The following NAV2 variants were observed in gnomAD, a reference collection of about 807,000 sequenced individuals.
NAV2 encodes the protein neuron navigator 2, also known as helicase, APC down-regulated 1.
In NAV2, 54 loss-of-function variants were observed where a neutral mutation model predicts 223.2. The ratio of observed to expected loss-of-function variants is 0.24; its 90% CI spans 0.19 to 0.30. The LOEUF (loss-of-function observed/expected upper bound fraction) is 0.30, where lower values mean the gene tolerates loss of function less well. Ranked by LOEUF, NAV2 falls within the 10% of genes least tolerant of loss-of-function variation. NAV2 has a pLI of 1.00. For missense variants in NAV2, 2,806 were observed against 3,147.5 expected, an observed-to-expected ratio of 0.89 and a Z score of 2.60; for synonymous variants, 1,279 against 1,239.3, an observed-to-expected ratio of 1.03 and a Z score of -0.67.
intron 1 of NAV2, among the ~76,000 whole-genome samples, chr11:19,386,492 A>G (rs1169506510): frequency 6.6e-6 from 1 of 152,190 alleles, no homozygotes. Context: ...TTGAATCTGA[A>G]TCTCAGTGGA....
chr11:19,587,836 C>T (rs978996804), intron 1 of NAV2, among the ~76,000 whole-genome samples: 4 of 152,206 alleles, frequency 2.6e-5, no homozygotes, highest in Admixed American at 1.3e-4. Context: ...ATTTAGTTCT[C>T]ATCCACATTT....
At chr11:20,109,319 A>G (rs1030026847) in intron 36 of NAV2, among the ~76,000 whole-genome samples, 1 of 152,360 alleles carries the variant, frequency 6.6e-6, no homozygotes, top group East Asian at 1.9e-4. Context: ...GAAATTAGGC[A>G]ACTTTTGGCC....
chr11:19,824,458 C>T (rs935117136), intron 1 of NAV2, among the ~76,000 whole-genome samples: 1 of 152,176 alleles, frequency 6.6e-6, no homozygotes, highest in Admixed American at 6.5e-5. Context: ...TGGGCAGAAC[C>T]GGACTTTTCT....
Position 19,831,225 on chromosome 11 carries a change from G to GGGA in NAV2, c.268-1257_268-1256insAGG, listed in dbSNP as rs1555083717. Among the ~76,000 whole-genome samples, 55 of 59,986 alleles carry GGGA rather than the reference G, an allele frequency of 9.2e-4. 3 individuals are homozygous for GGGA. The highest frequency in any genetic ancestry group is 3.5e-3 in the African/African-American group (52 of 14,956). 39.4% of individuals were successfully genotyped at this position (59,986 alleles called of 152,430 possible). A position where few individuals can be genotyped will look rare whatever the true frequency, so the allele number is the denominator to read the frequency against. On this transcript the variant is annotated intron_variant, in intron 1 of 37. Transcript: ENST00000349880. ...CTGTTCCCATTCCAGGAGTGTTGCG[G>GGGA]GGGGGGGGGGGGCGCGATGGGGAGT...
At chr11:19,824,985 C>T (rs757840383) in intron 1 of NAV2, among the ~76,000 whole-genome samples, 2 of 152,092 alleles carry the variant, frequency 1.3e-5, no homozygotes, top group African/African-American at 4.8e-5. Flanking sequence ...CCACGTACTG[C>T]TCAGTCTTAG....
At chr11:19,646,310 A>G (rs908799208) in intron 1 of NAV2, among the ~76,000 whole-genome samples, 1 of 152,246 alleles carries the variant, frequency 6.6e-6, no homozygotes, top group Non-Finnish European at 1.5e-5. Flanking sequence ...GGGCTGCAGA[A>G]TGGAGCTCAC....
In NAV2 at chr11:19,363,083, C is replaced by T. The variant is rs550156878; in HGVS notation, c.75+12056C>T. Among the ~76,000 whole-genome samples the T allele has an allele frequency of 1.6e-4, 25 of 152,256 alleles. 1 individual carries two copies. Among genetic ancestry groups the T allele is most frequent in the African/African-American group, 6.0e-4 (25 of 41,526 alleles). ...TGCCATGCTGGTTTGCTGGTCCCAT[C>T]AACCCATCACCTACATGAGGCATTT... On this transcript the variant is annotated intron_variant, in intron 1 of 37. Coordinates refer to the NAV2 transcript ENST00000360655.
intron 22 of NAV2, among the ~76,000 whole-genome samples, chr11:20,074,174 C>T (rs1386559450): frequency 1.3e-5 from 2 of 152,156 alleles, no homozygotes; most frequent in Non-Finnish European, 2.9e-5. Context: ...TTATTTCTGC[C>T]TTCATTTCCT....
At chr11:19,350,443 G>A (rs1010859749), upstream of NAV2, among the ~76,000 whole-genome samples, 3 of 152,266 alleles carry the variant, frequency 2.0e-5, no homozygotes, top group Non-Finnish European at 4.4e-5. Context: ...AACGCTTGCA[G>A]GAGCCATGAG....
At chr11:20,079,576 T>TTTGCATTTGAG (rs1474673364) in intron 24 of NAV2, among the ~76,000 whole-genome samples, 8 of 152,134 alleles carry the variant, frequency 5.3e-5, no homozygotes, top group Non-Finnish European at 1.2e-4. Flanking sequence ...ATGGGAAGGA[T>TTTGCATTTGAG]TTGCAAATGA....
chr11:20,064,960 G>A (rs931924235), intron 20 of NAV2, among the ~76,000 whole-genome samples: 5 of 152,058 alleles, frequency 3.3e-5, no homozygotes, highest in Admixed American at 2.6e-4. Context: ...CATTCCATGA[G>A]TCATGGAGTC....
chr11:19,672,013 G>A (rs1422062169), intron 1 of NAV2, among the ~76,000 whole-genome samples: 1 of 152,188 alleles, frequency 6.6e-6, no homozygotes, highest in South Asian at 2.1e-4. Flanking sequence ...GCCACCAAGC[G>A]CTGTGGGAAT....
intron 10 of NAV2, among the ~76,000 whole-genome samples, chr11:19,976,339 T>G (rs2049745307): frequency 6.6e-6 from 1 of 152,146 alleles, no homozygotes; most frequent in Non-Finnish European, 1.5e-5. Flanking sequence ...GTGTGTTGAG[T>G]TGAGCTGCAG....
intron 1 of NAV2, chr11:19,714,289 A>T (rs899069302): frequency 3.2e-5 from 18 of 562,642 alleles, no homozygotes; most frequent in African/African-American, 3.2e-4. Context: ...CTGCATGTTG[A>T]GGTCTTGGCC....
chr11:20,004,067 G>A (rs1377551707), intron 11 of NAV2, among the ~76,000 whole-genome samples: 1 of 152,166 alleles, frequency 6.6e-6, no homozygotes, highest in African/African-American at 2.4e-5. Context: ...GTGAACTCCT[G>A]AAAATTGGTT....
At chr11:19,984,908 G>GT (rs1336536402) in intron 11 of NAV2, among the ~76,000 whole-genome samples, 3 of 152,210 alleles carry the variant, frequency 2.0e-5, no homozygotes, top group Non-Finnish European at 4.4e-5. Context: ...GAAGTGAGGA[G>GT]TTTGGACTAT....
intron 1 of NAV2, among the ~76,000 whole-genome samples, chr11:19,824,325 A>T (rs1025838311): frequency 6.6e-6 from 1 of 152,200 alleles, no homozygotes; most frequent in Non-Finnish European, 1.5e-5. Flanking sequence ...ACTTGCCTTT[A>T]TGATTTTGTG....
chr11:19,894,892 G>A (rs1026397838), intron 6 of NAV2, among the ~76,000 whole-genome samples: 2 of 151,894 alleles, frequency 1.3e-5, no homozygotes, highest in Non-Finnish European at 2.9e-5. Flanking sequence ...CACCACGCCC[G>A]GCTAATTTTA....
At chr11:19,427,861 G>T (rs965531588) in intron 1 of NAV2, among the ~76,000 whole-genome samples, 15 of 152,090 alleles carry the variant, frequency 9.9e-5, no homozygotes, top group Non-Finnish European at 1.8e-4. Flanking sequence ...TTGGGTTGTT[G>T]ATCATGTACT....
Sources: allele counts gnomAD v4.1 joint callset (sites outside exome capture counted in the v4.1 genomes callset), GRCh38; gene constraint gnomAD v4.1.1; transcripts MANE v1.5; gene names NCBI Gene and HGNC (gene_info 2026-07-23, HGNC 2026-07-21).